Variants in CDH4 observed in about 807,000 individuals in gnomAD.
CDH4 encodes cadherin 4.
A neutral mutation model predicts 86.0 loss-of-function variants in CDH4; 33 were observed. The observed-to-expected ratio is 0.38, with a 90% CI of 0.29 to 0.51. The LOEUF is 0.51. Ranked by LOEUF, CDH4 falls within the 20% of genes least tolerant of loss-of-function variation. CDH4 has a pLI of 0.86. For missense variants in CDH4, 1,114 were observed against 1,307.4 expected (o/e 0.85, Z 2.28); for synonymous variants, 555 against 549.4 (o/e 1.01, Z -0.14).
intron 2 of CDH4, among the ~76,000 whole-genome samples, chr20:61,577,987 C>A (rs954782081): frequency 6.6e-6 from 1 of 152,172 alleles, no homozygotes; most frequent in African/African-American, 2.4e-5. Flanking sequence ...CCCCCTGTCC[C>A]CACACAGCCT....
chr20:61,558,860 C>A (rs148927901), intron 2 of CDH4, among the ~76,000 whole-genome samples: 139 of 152,378 alleles, frequency 9.1e-4, no homozygotes, highest in African/African-American at 3.1e-3. Context: ...ATGCCGTGGT[C>A]CCCGTGGCGA....
At chr20:61,696,995 G>A (rs766712272) in intron 2 of CDH4, among the ~76,000 whole-genome samples, 52 of 152,272 alleles carry the variant, frequency 3.4e-4, no homozygotes, top group Non-Finnish European at 6.0e-4. Flanking sequence ...AGGAATGTCC[G>A]GAGCTCCCAG....
intron 2 of CDH4, among the ~76,000 whole-genome samples, chr20:61,414,324 G>T (rs2145494291): frequency 6.6e-6 from 1 of 152,346 alleles, no homozygotes; most frequent in Middle Eastern, 3.4e-3. Flanking sequence ...CAGGAAGTGG[G>T]TGTCATTGGT....
At chr20:61,412,857 C>G (rs982739981) in intron 2 of CDH4, among the ~76,000 whole-genome samples, 1 of 152,172 alleles carries the variant, frequency 6.6e-6, no homozygotes, top group Non-Finnish European at 1.5e-5. Context: ...GGGGCAGAGT[C>G]AGCCCCACTA....
intron 2 of CDH4, among the ~76,000 whole-genome samples, chr20:61,387,858 C>G (rs116137245): frequency 0.032 from 4,883 of 152,246 alleles, 260 homozygotes; most frequent in African/African-American, 0.11. Context: ...GGCCCCACCC[C>G]CCTCTGGCCC....
chr20:61,918,412 TC>T (rs1315302631), intron 9 of CDH4, among the ~76,000 whole-genome samples: 3 of 151,976 alleles, frequency 2.0e-5, no homozygotes. Flanking sequence ...ACTCCCTATA[TC>T]CCCCAGGCAC....
intron 2 of CDH4, among the ~76,000 whole-genome samples, chr20:61,535,847 CT>C (rs1433347384): frequency 6.6e-6 from 1 of 152,212 alleles, no homozygotes; most frequent in Non-Finnish European, 1.5e-5. Context: ...TTCGAACCCC[CT>C]GTTCCCGCTC....
At chr20:61,275,077 C>T (rs1313940376) in intron 2 of CDH4, among the ~76,000 whole-genome samples, 2 of 80,846 alleles carry the variant, frequency 2.5e-5, no homozygotes, top group Non-Finnish European at 2.2e-5. Flanking sequence ...GGGGGAGTAC[C>T]ATGTGTAGTT....
intron 3 of CDH4, among the ~76,000 whole-genome samples, chr20:61,751,545 T>A (rs866325612): frequency 8.5e-5 from 13 of 152,376 alleles, no homozygotes; most frequent in Middle Eastern, 3.4e-3. Flanking sequence ...CCTTGTCAAA[T>A]GCCCAGGGTG....
intron 4 of CDH4, among the ~76,000 whole-genome samples, chr20:61,781,162 C>G (rs753842252): frequency 3.9e-5 from 6 of 152,036 alleles, no homozygotes; most frequent in Non-Finnish European, 8.8e-5. Flanking sequence ...AAATAAACAC[C>G]CTCAGGGAAA....
At chr20:61,763,163 T>C (rs549285855) in intron 3 of CDH4, among the ~76,000 whole-genome samples, 8 of 152,182 alleles carry the variant, frequency 5.3e-5, no homozygotes, top group Non-Finnish European at 1.0e-4. Context: ...CCCTTAGAAA[T>C]ATACCACGGA....
At chr20:61,401,095 C>A (rs2085047089) in intron 2 of CDH4, among the ~76,000 whole-genome samples, 1 of 152,196 alleles carries the variant, frequency 6.6e-6, no homozygotes, top group African/African-American at 2.4e-5. Context: ...GCCTCTCCAG[C>A]CTCATGCTCA....
intron 2 of CDH4, among the ~76,000 whole-genome samples, chr20:61,430,958 G>A (rs1198438622): frequency 3.3e-5 from 5 of 152,212 alleles, no homozygotes; most frequent in Non-Finnish European, 7.3e-5. Context: ...GAATTGAAAA[G>A]CATTTCCCTG....
In CDH4 at chr20:61,546,149, CATTCGTGAGG is replaced by C. The variant is rs1188770210; in HGVS notation, c.170-197413_170-197404del. Among the ~76,000 whole-genome samples, 265 of 91,502 alleles carry C rather than the reference CATTCGTGAGG, an allele frequency of 2.9e-3. No individual in the cohort carries two copies. The Middle Eastern group carries it at 0.034, about 12-fold the overall frequency. 60.0% of individuals were successfully genotyped at this position (91,502 alleles called of 152,430 possible). On this transcript the variant is annotated intron_variant, in intron 2 of 15. Transcript: ENST00000614565. ...GTATGTGGGATACGGTATTTGTTCA[CATTCGTGAGG>C]GTGTGTGCCTGTGTGTGGGGGTATG...
intron 2 of CDH4, among the ~76,000 whole-genome samples, chr20:61,500,031 T>G: frequency 6.6e-6 from 1 of 152,188 alleles, no homozygotes; most frequent in East Asian, 1.9e-4. Flanking sequence ...TTTATGACTC[T>G]TGTTGCTATG....
At chr20:61,499,181 T>C (rs1343144723) in intron 2 of CDH4, among the ~76,000 whole-genome samples, 2 of 152,124 alleles carry the variant, frequency 1.3e-5, no homozygotes, top group Non-Finnish European at 2.9e-5. Context: ...GTGGTTGTGT[T>C]TTCGTAGCTC....
intron 7 of CDH4, among the ~76,000 whole-genome samples, chr20:61,884,325 C>T (rs191665871): frequency 6.6e-5 from 10 of 152,340 alleles, no homozygotes; most frequent in East Asian, 1.9e-4. Context: ...GAGTGAGACA[C>T]GCTTCCTTCC....
In CDH4 at chr20:61,928,395, G is replaced by A. The variant is rs772546256; in HGVS notation, c.1977G>A (p.Arg659=). The A allele has an allele frequency of 1.9e-6, 3 of 1,611,944 alleles. No individual in the cohort carries two copies. In the East Asian group the frequency reaches 6.7e-5, roughly 36 times the overall value. The change falls in exon 12 of 16, where the codon CGG becomes CGA. Residue 659 remains arginine (R), a synonymous_variant. Coordinates refer to ENST00000614565, the MANE Select transcript of CDH4 (RefSeq NM_001794.5). The part of the protein sequence containing the change: ...FELPFVPAAV[R]KNWTITRLNG... ...TGCCCTTTGTCCCGGCGGCCGTGCGGAAGAACTGGACCATCACCCGCCTGA... is the reference window on the plus strand; with the variant it reads ...TGCCCTTTGTCCCGGCGGCCGTGCGAAAGAACTGGACCATCACCCGCCTGA...
intron 2 of CDH4, among the ~76,000 whole-genome samples, chr20:61,690,610 G>T (rs987689741): frequency 6.6e-6 from 1 of 152,084 alleles, no homozygotes; most frequent in Non-Finnish European, 1.5e-5. Flanking sequence ...TGTTCGGAGT[G>T]CTCTGAGCGT....
Sources: allele counts gnomAD v4.1 joint callset (sites outside exome capture counted in the v4.1 genomes callset), GRCh38; gene constraint gnomAD v4.1.1; transcripts MANE v1.5; gene names NCBI Gene and HGNC (gene_info 2026-07-23, HGNC 2026-07-21).